The following CDK13 variants were observed in gnomAD, a reference collection of about 807,000 sequenced individuals.
The protein encoded by CDK13 is cyclin dependent kinase 13, also known as cyclin-dependent kinase 13.
CDK13 carries 40 observed loss-of-function variants against 137.6 expected under a neutral mutation model. The ratio of observed to expected loss-of-function variants is 0.29; its 90% CI spans 0.23 to 0.38. CDK13 has a LOEUF of 0.38. CDK13 is among the 10% of genes least tolerant of loss of function. The pLI, the probability that CDK13 is intolerant of heterozygous loss-of-function variation, is 1.00. For missense variants in CDK13, 1,704 were observed against 1,951.8 expected (o/e 0.87, Z 2.39); for synonymous variants, 869 against 760.1 (o/e 1.14, Z -2.36).
At chr7:40,057,347 A>T (rs1483073236) in intron 7 of CDK13, among the ~76,000 whole-genome samples, 1 of 152,222 alleles carries the variant, frequency 6.6e-6, no homozygotes, top group Non-Finnish European at 1.5e-5. Context: ...TGACTGCTTC[A>T]ATACAGCTAT....
intron 7 of CDK13, among the ~76,000 whole-genome samples, chr7:40,052,732 G>A (rs1029329899): frequency 1.3e-5 from 2 of 152,086 alleles, no homozygotes. Flanking sequence ...AAAGTTGAAG[G>A]TATTAATGAG....
At chr7:40,082,355 C>A (rs922555783) in intron 11 of CDK13, among the ~76,000 whole-genome samples, 7 of 151,794 alleles carry the variant, frequency 4.6e-5, no homozygotes, top group South Asian at 4.2e-4. Flanking sequence ...GGTGTGGTGG[C>A]GGGTGCCTGT....
intron 1 of CDK13, among the ~76,000 whole-genome samples, chr7:39,979,433 C>T (rs1005637179): frequency 6.6e-6 from 1 of 152,084 alleles, no homozygotes; most frequent in Non-Finnish European, 1.5e-5. Flanking sequence ...TCAGGTTGGT[C>T]TCGAACTTCT....
intron 1 of CDK13, chr7:39,952,637 C>T (rs1269284519): frequency 1.3e-5 from 2 of 152,152 alleles, no homozygotes; most frequent in African/African-American, 2.4e-5. Flanking sequence ...TGGCTGAGTA[C>T]ATTCTTATAC....
intron 2 of CDK13, among the ~76,000 whole-genome samples, chr7:39,997,123 A>C (rs981314074): frequency 6.6e-6 from 1 of 152,148 alleles, no homozygotes; most frequent in Non-Finnish European, 1.5e-5. Flanking sequence ...TTACATTTAT[A>C]GAAAAATTAT....
At position 40,008,001 on chromosome 7, in the gene CDK13, C is replaced by T. The variant is rs137904179; in HGVS notation, c.2353+5970C>T. Among the ~76,000 whole-genome samples, 96 of 152,256 alleles carry T rather than the reference C, an allele frequency of 6.3e-4. 1 individual carries two copies. Among genetic ancestry groups the T allele is most frequent in the African/African-American group, 2.2e-3 (90 of 41,552 alleles). ...TTGTTTTTACAAGACAATGAAAGATCGGCATATCTCCTAAAGAATACCTAG... is the reference window on the plus strand; with the variant it reads ...TTGTTTTTACAAGACAATGAAAGATTGGCATATCTCCTAAAGAATACCTAG... On this transcript the variant is annotated intron_variant, in intron 5 of 13. Transcript: ENST00000181839.
At chr7:40,070,412 A>C (rs933183427) in intron 9 of CDK13, 5 of 122,868 alleles carry the variant, frequency 4.1e-5, no homozygotes, top group African/African-American at 2.5e-4. Flanking sequence ...ATCCCAAAAA[A>C]AAAAAAAAAA....
At chr7:40,065,018 A>C (rs1277156885) in intron 9 of CDK13, among the ~76,000 whole-genome samples, 2 of 118,182 alleles carry the variant, frequency 1.7e-5, no homozygotes, top group Admixed American at 2.4e-4. Flanking sequence ...TATGTTGCCC[A>C]GGCTGGTCTC....
At chr7:40,069,500 A>G (rs183001189) in intron 9 of CDK13, 2 of 324,746 alleles carry the variant, frequency 6.2e-6, no homozygotes, top group East Asian at 1.5e-4. Context: ...GAGGACTGAT[A>G]ACATGCTTAG....
chr7:39,970,760 C>T (rs1783980802), intron 1 of CDK13, among the ~76,000 whole-genome samples: 1 of 152,214 alleles, frequency 6.6e-6, no homozygotes. Context: ...TGCGCCTGGC[C>T]TGTTGTCATC....
intron 1 of CDK13, among the ~76,000 whole-genome samples, chr7:39,954,791 A>C (rs1469792881): frequency 4.6e-5 from 7 of 152,202 alleles, no homozygotes; most frequent in Admixed American, 2.6e-4. Context: ...AATTTTAAAT[A>C]AGCTGAAAAT....
intron 1 of CDK13, among the ~76,000 whole-genome samples, chr7:39,978,042 A>C (rs899723912): frequency 6.6e-6 from 1 of 152,178 alleles, no homozygotes; most frequent in Non-Finnish European, 1.5e-5. Context: ...GAAGCTTAAT[A>C]GTTTTAGCTG....
chr7:40,003,934 C>T (rs774357557), intron 5 of CDK13, among the ~76,000 whole-genome samples: 2 of 152,150 alleles, frequency 1.3e-5, no homozygotes, highest in Non-Finnish European at 2.9e-5. Context: ...CTTTCTACTA[C>T]GTATAGACAC....
chr7:39,972,611 A>T (rs1287118739), intron 1 of CDK13, among the ~76,000 whole-genome samples: 3 of 152,258 alleles, frequency 2.0e-5, no homozygotes, highest in African/African-American at 4.8e-5. Flanking sequence ...TCACTAAAGC[A>T]TAATGTTTTC....
chr7:40,027,504 C>T (rs943874963), intron 5 of CDK13, among the ~76,000 whole-genome samples: 1 of 152,150 alleles, frequency 6.6e-6, no homozygotes, highest in Non-Finnish European at 1.5e-5. Flanking sequence ...TTCAACTGTG[C>T]AATAGCCACA....
At chr7:40,014,870 G>A (rs1784972522) in intron 5 of CDK13, among the ~76,000 whole-genome samples, 1 of 152,052 alleles carries the variant, frequency 6.6e-6, no homozygotes, top group African/African-American at 2.4e-5. Flanking sequence ...TAGTAATAAT[G>A]TTCATCTTTT....
chr7:40,038,715 G>A (rs1001184466), intron 5 of CDK13, among the ~76,000 whole-genome samples: 2 of 152,064 alleles, frequency 1.3e-5, no homozygotes, highest in Non-Finnish European at 2.9e-5. Context: ...TTTATTTTGA[G>A]ACGGAGTTTC....
chr7:39,956,435 T>A (rs1316064990), intron 1 of CDK13, among the ~76,000 whole-genome samples: 1 of 152,226 alleles, frequency 6.6e-6, no homozygotes, highest in African/African-American at 2.4e-5. Flanking sequence ...CTATCACCAT[T>A]TCAGGTTAAT....
intron 2 of CDK13, among the ~76,000 whole-genome samples, chr7:39,988,659 C>T (rs1276349461): frequency 6.6e-6 from 1 of 152,080 alleles, no homozygotes; most frequent in African/African-American, 2.4e-5. Context: ...CTTCAGTGGC[C>T]TTGTAAATTT....
Sources: allele counts gnomAD v4.1 joint callset (sites outside exome capture counted in the v4.1 genomes callset), GRCh38; gene constraint gnomAD v4.1.1; transcripts MANE v1.5; gene names NCBI Gene and HGNC (gene_info 2026-07-23, HGNC 2026-07-21).